Variants in EPC2 observed in about 807,000 individuals in gnomAD.
EPC2 encodes enhancer of polycomb 2.
In EPC2, 14 loss-of-function variants were observed where a neutral mutation model predicts 92.1. That is an observed-to-expected ratio of 0.15 (90% CI 0.10 to 0.24). The LOEUF (loss-of-function observed/expected upper bound fraction) is 0.24. EPC2 is among the 10% of genes least tolerant of loss of function. The probability of loss-of-function intolerance (pLI) is 1.00; values close to 1 mark genes in which losing one functional copy is unlikely to be tolerated. For missense variants in EPC2, 755 were observed against 971.5 expected, an observed-to-expected ratio of 0.78 and a Z score of 2.96; for synonymous variants, 340 against 334.7, an observed-to-expected ratio of 1.02 and a Z score of -0.17.
intron 1 of EPC2, among the ~76,000 whole-genome samples, chr2:148,686,139 C>T (rs1202657139): frequency 6.6e-6 from 1 of 152,250 alleles, no homozygotes; most frequent in East Asian, 1.9e-4. Context: ...AAATTGCATT[C>T]TCAAACCCTG....
chr2:148,726,952 GT>G (rs1374151896), intron 2 of EPC2, among the ~76,000 whole-genome samples: 1 of 151,690 alleles, frequency 6.6e-6, no homozygotes, highest in Non-Finnish European at 1.5e-5. Context: ...CCATTTGTCT[GT>G]TTTTTCTTTG....
At chr2:148,773,159 T>C (rs192649154) in intron 10 of EPC2, among the ~76,000 whole-genome samples, 177 of 152,254 alleles carry the variant, frequency 1.2e-3, no homozygotes, top group Middle Eastern at 6.8e-3. Context: ...ATACAACATA[T>C]GTATTGGTCC....
chr2:148,697,520 C>T (rs533357625), intron 2 of EPC2, among the ~76,000 whole-genome samples: 1 of 152,222 alleles, frequency 6.6e-6, no homozygotes, highest in African/African-American at 2.4e-5. Context: ...TACAAGCACA[C>T]ACTTCATATT....
intron 1 of EPC2, among the ~76,000 whole-genome samples, chr2:148,677,092 T>A (rs1681282386): frequency 6.6e-6 from 1 of 152,174 alleles, no homozygotes. Context: ...GGTACCTACT[T>A]CCAGGATTCT....
intron 2 of EPC2, 48 bp from the exon 3 acceptor site, chr2:148,743,573 TA>T (rs1682923517): frequency 7.0e-7 from 1 of 1,420,208 alleles, no homozygotes; most frequent in Admixed American, 2.7e-5. Context: ...GAACAATGTA[TA>T]ATTTCATAAT....
At chr2:148,671,267 A>G (rs985938909) in intron 1 of EPC2, among the ~76,000 whole-genome samples, 1 of 150,422 alleles carries the variant, frequency 6.6e-6, no homozygotes, top group Non-Finnish European at 1.5e-5. Flanking sequence ...ATAAATGCTA[A>G]ATCTCTATTG....
chr2:148,658,886 A>G (rs1482078599), intron 1 of EPC2, among the ~76,000 whole-genome samples: 1 of 151,992 alleles, frequency 6.6e-6, no homozygotes, highest in East Asian at 1.9e-4. Context: ...ATATATGTAT[A>G]TCTTTTCCCC....
At chr2:148,656,065 G>T (rs973877812) in intron 1 of EPC2, among the ~76,000 whole-genome samples, 7 of 140,108 alleles carry the variant, frequency 5.0e-5, no homozygotes, top group East Asian at 2.4e-4. Context: ...CTAGACAAAG[G>T]CTTTTTTACT....
chr2:148,783,373 G>A (rs939736502), intron 11 of EPC2, among the ~76,000 whole-genome samples: 1 of 152,060 alleles, frequency 6.6e-6, no homozygotes, highest in Non-Finnish European at 1.5e-5. Context: ...AAAGCCTTGG[G>A]TTATTTAATC....
chr2:148,710,688 C>G (rs1274816442), intron 2 of EPC2, among the ~76,000 whole-genome samples: 2 of 152,030 alleles, frequency 1.3e-5, no homozygotes, highest in Non-Finnish European at 2.9e-5. Context: ...TGAGTTATGT[C>G]CTTTGTAGGG....
chr2:148,678,643 G>T (rs958124195), intron 1 of EPC2, among the ~76,000 whole-genome samples: 1 of 152,234 alleles, frequency 6.6e-6, no homozygotes. Flanking sequence ...CGCTGGCCCG[G>T]GTGCTAAGCC....
chr2:148,716,838 G>A (rs925993116), intron 2 of EPC2, among the ~76,000 whole-genome samples: 2 of 152,020 alleles, frequency 1.3e-5, no homozygotes, highest in Admixed American at 6.6e-5. Flanking sequence ...TTTTACCTCT[G>A]GTATAATTTA....
chr2:148,767,227 G>A (rs1414890315), intron 7 of EPC2, among the ~76,000 whole-genome samples: 1 of 150,838 alleles, frequency 6.6e-6, no homozygotes, highest in Non-Finnish European at 1.5e-5. Flanking sequence ...GAATGATACT[G>A]TAGGGTGCTA....
At chr2:148,780,073 T>A (rs1329374011) in intron 10 of EPC2, among the ~76,000 whole-genome samples, 4 of 152,200 alleles carry the variant, frequency 2.6e-5, no homozygotes, top group African/African-American at 9.6e-5. Flanking sequence ...AATTTTTCAT[T>A]TAAAAATAGA....
intron 2 of EPC2, among the ~76,000 whole-genome samples, chr2:148,698,840 T>A (rs940496602): frequency 1.1e-4 from 16 of 150,068 alleles, no homozygotes; most frequent in African/African-American, 3.9e-4. Flanking sequence ...TTTTTTTTTT[T>A]TAAAAAAAAA....
chr2:148,693,724 A>T (rs1449121843), intron 2 of EPC2, among the ~76,000 whole-genome samples: 1 of 152,164 alleles, frequency 6.6e-6, no homozygotes, highest in Non-Finnish European at 1.5e-5. Flanking sequence ...CTACACTAAT[A>T]ATGAGATCTT....
At chr2:148,653,950 GTT>G (rs34810067) in intron 1 of EPC2, among the ~76,000 whole-genome samples, 176 of 131,752 alleles carry the variant, frequency 1.3e-3, no homozygotes, top group African/African-American at 4.5e-3. Context: ...TTTTTTTTTT[GTT>G]TTTTTTTTTT....
intron 3 of EPC2, among the ~76,000 whole-genome samples, chr2:148,745,903 A>G (rs896328237): frequency 2.0e-5 from 3 of 152,106 alleles, no homozygotes; most frequent in African/African-American, 7.2e-5. Context: ...GACTATTTCA[A>G]TGAAGTCATG....
intron 2 of EPC2, among the ~76,000 whole-genome samples, chr2:148,736,432 C>T (rs184686902): frequency 8.5e-5 from 13 of 152,104 alleles, no homozygotes; most frequent in African/African-American, 4.8e-5. Flanking sequence ...TGGCCCAGAT[C>T]TGAAGTCATT....
Sources: gnomAD v4.1 joint callset for allele counts (sites outside exome capture counted in the v4.1 genomes callset) on GRCh38, gnomAD v4.1.1 for gene constraint, MANE v1.5 for transcripts, NCBI Gene and HGNC (gene_info 2026-07-23, HGNC 2026-07-21) for gene names.